Variants in CCDC178 observed in about 807,000 individuals in gnomAD.
CCDC178 encodes the protein coiled-coil domain containing 178.
In CCDC178, 126 loss-of-function variants were observed where a neutral mutation model predicts 117.4. The observed-to-expected ratio is 1.07, with a 90% CI of 0.93 to 1.24. The LOEUF (loss-of-function observed/expected upper bound fraction) is 1.24, where lower values mean the gene tolerates loss of function less well. Among genes scored for constraint, CCDC178 ranks in the 50% most tolerant of loss-of-function variants. The probability of loss-of-function intolerance (pLI) is 0.00; values close to 1 mark genes in which losing one functional copy is unlikely to be tolerated. For synonymous variants in CCDC178, 283 were observed against 313.4 expected (o/e 0.90, Z 1.02); for missense variants, 1,030 against 986.9 (o/e 1.04, Z -0.59).
intron 22 of CCDC178, among the ~76,000 whole-genome samples, chr18:32,947,889 T>G (rs77853219): frequency 0.027 from 4,142 of 152,230 alleles, 81 homozygotes; most frequent in Non-Finnish European, 0.045. Flanking sequence ...TTGTCCAAGG[T>G]AATGGTGAAA....
chr18:32,943,089 T>C (rs1327973027), intron 22 of CCDC178, among the ~76,000 whole-genome samples: 2 of 152,158 alleles, frequency 1.3e-5, no homozygotes, highest in African/African-American at 4.8e-5. Flanking sequence ...GGAAGGAGAA[T>C]CATGAAGCTG....
At chr18:33,292,634 A>G (rs1279216868) in intron 12 of CCDC178, among the ~76,000 whole-genome samples, 1 of 152,024 alleles carries the variant, frequency 6.6e-6, no homozygotes, top group East Asian at 2.0e-4. Flanking sequence ...CCCTAATTTG[A>G]TCATTACACA....
chr18:33,275,701 G>A (rs1036542617), intron 12 of CCDC178, among the ~76,000 whole-genome samples: 6 of 144,514 alleles, frequency 4.2e-5, no homozygotes, highest in African/African-American at 5.1e-5. Flanking sequence ...GGGAAGCGGG[G>A]AGAGAAGGGA....
At chr18:33,031,405 G>A (rs571381678) in intron 21 of CCDC178, among the ~76,000 whole-genome samples, 79 of 151,756 alleles carry the variant, frequency 5.2e-4, no homozygotes, top group Non-Finnish European at 9.3e-4. Flanking sequence ...TACCCTCCAC[G>A]CAGCTGCTAG....
intron 20 of CCDC178, among the ~76,000 whole-genome samples, chr18:33,110,912 G>C (rs759474091): frequency 1.3e-5 from 2 of 151,546 alleles, no homozygotes; most frequent in Admixed American, 6.6e-5. Context: ...TAGAATCAAT[G>C]CATCAATTTC....
At chr18:33,100,122 G>A (rs2145097706) in intron 20 of CCDC178, among the ~76,000 whole-genome samples, 1 of 151,994 alleles carries the variant, frequency 6.6e-6, no homozygotes, top group East Asian at 2.0e-4. Context: ...AATCATACCT[G>A]TCCCTGCCAG....
At chr18:33,301,658 G>T (rs770217590) in intron 11 of CCDC178, among the ~76,000 whole-genome samples, 1 of 152,234 alleles carries the variant, frequency 6.6e-6, no homozygotes, top group Non-Finnish European at 1.5e-5. Flanking sequence ...AGAGCTTTAA[G>T]ATTTAGTGAC....
At chr18:33,348,859 A>C (rs748608887) in intron 8 of CCDC178, 31 bp downstream of exon 8, 2 of 1,348,502 alleles carry the variant, frequency 1.5e-6, no homozygotes, top group African/African-American at 2.9e-5. Flanking sequence ...TTAAATATAT[A>C]CAGTTATTCA....
intron 21 of CCDC178, among the ~76,000 whole-genome samples, chr18:33,016,262 T>C (rs1017160887): frequency 1.4e-4 from 21 of 152,106 alleles, no homozygotes; most frequent in African/African-American, 5.1e-4. Context: ...GAATTCTATA[T>C]ATGGTTAAAC....
intron 21 of CCDC178, among the ~76,000 whole-genome samples, chr18:33,035,305 A>G (rs2056422769): frequency 6.6e-6 from 1 of 151,980 alleles, no homozygotes; most frequent in South Asian, 2.1e-4. Flanking sequence ...ATTCCAGCAT[A>G]CAAGTGGAAT....
intron 21 of CCDC178, among the ~76,000 whole-genome samples, chr18:33,027,405 C>A (rs1188656949): frequency 2.0e-5 from 3 of 151,386 alleles, no homozygotes; most frequent in Admixed American, 1.3e-4. Flanking sequence ...TAACTAGAAA[C>A]AGCTACAGTT....
chr18:33,046,916 A>G (rs2056654491), intron 21 of CCDC178, among the ~76,000 whole-genome samples: 1 of 152,216 alleles, frequency 6.6e-6, no homozygotes, highest in African/African-American at 2.4e-5. Flanking sequence ...AATGCCTTAT[A>G]TAACTTGTAT....
chr18:33,089,602 T>C (rs2057432131), intron 21 of CCDC178, among the ~76,000 whole-genome samples: 1 of 152,172 alleles, frequency 6.6e-6, no homozygotes, highest in Non-Finnish European at 1.5e-5. Context: ...GCTAATTATA[T>C]AATTTAAAAA....
At chr18:33,237,538 C>T (rs2059439933) in intron 15 of CCDC178, among the ~76,000 whole-genome samples, 1 of 152,094 alleles carries the variant, frequency 6.6e-6, no homozygotes, top group African/African-American at 2.4e-5. Flanking sequence ...CGATAAACAG[C>T]CTCTTGTCCC....
chr18:33,102,191 A>C (rs1230663613), intron 20 of CCDC178, among the ~76,000 whole-genome samples: 1 of 151,822 alleles, frequency 6.6e-6, no homozygotes, highest in Non-Finnish European at 1.5e-5. Context: ...AAATAGGGGC[A>C]ACGGAAGTCA....
chr18:33,420,650 C>T (rs899052461), intron 2 of CCDC178, among the ~76,000 whole-genome samples: 2 of 152,140 alleles, frequency 1.3e-5, no homozygotes, highest in African/African-American at 4.8e-5. Flanking sequence ...CCACTGTGCC[C>T]AGCCTGCCAT....
At chr18:33,092,494 T>TA (rs1367844941) in intron 21 of CCDC178, among the ~76,000 whole-genome samples, 6 of 151,934 alleles carry the variant, frequency 3.9e-5, no homozygotes, top group African/African-American at 1.4e-4. Context: ...AATCTACAGA[T>TA]AAAAAATTGG....
chr18:33,344,844 CACACACACACAT>C (rs1259884817), intron 9 of CCDC178, among the ~76,000 whole-genome samples: 98 of 147,626 alleles, frequency 6.6e-4, no homozygotes, highest in African/African-American at 1.7e-3. Flanking sequence ...CACACACACA[CACACACACACAT>C]ATATTTATAA....
rs186914387 is a variant in CCDC178 at position 33,074,412 on chromosome 18, T to C, written c.2388+18349A>G. 2.9e-3 allele frequency among the ~76,000 whole-genome samples: 438 copies of C among 152,308 alleles called. 12 individuals are homozygous for C. The highest frequency in any genetic ancestry group is 0.026 in the Admixed American group (391 of 15,300). ...CATAGATTAATTGCACCTGTTTATA[T>C]AGACCAAAAATTGCACAGTATCAAT... On this transcript the variant is annotated intron_variant, in intron 21 of 22. Transcript: ENST00000383096.
Sources: allele counts gnomAD v4.1 joint callset (sites outside exome capture counted in the v4.1 genomes callset), GRCh38; gene constraint gnomAD v4.1.1; transcripts MANE v1.5; gene names NCBI Gene and HGNC (gene_info 2026-07-23, HGNC 2026-07-21).